The following UNC79 variants were observed in gnomAD, a reference collection of about 807,000 sequenced individuals.
UNC79 encodes the protein protein unc-79 homolog.
UNC79 carries 37 observed loss-of-function variants against 283.1 expected under a neutral mutation model. That is an observed-to-expected ratio of 0.13 (90% CI 0.10 to 0.17). The LOEUF is 0.17. Among genes scored for constraint, UNC79 ranks in the 10% least tolerant of loss-of-function variants. UNC79 has a pLI of 1.00. For missense variants in UNC79, 2,272 were observed against 3,211.1 expected (o/e 0.71, Z 7.07); for synonymous variants, 1,107 against 1,200.2 (o/e 0.92, Z 1.61).
intron 5 of UNC79, among the ~76,000 whole-genome samples, chr14:93,494,994 T>C (rs1281409618): frequency 6.6e-6 from 1 of 151,980 alleles, no homozygotes; most frequent in East Asian, 1.9e-4. Flanking sequence ...AAGAGAAAAG[T>C]CTCCTGGTGT....
At chr14:93,586,505 A>G (rs2064233547) in intron 20 of UNC79, 91 bp from the exon 21 acceptor site, 2 of 1,191,670 alleles carry the variant, frequency 1.7e-6, no homozygotes, top group Non-Finnish European at 2.4e-6. Context: ...TCAATTTTTT[A>G]CTCTTCTTGG....
At chr14:93,455,205 A>T (rs562393495) in intron 1 of UNC79, among the ~76,000 whole-genome samples, 1 of 152,040 alleles carries the variant, frequency 6.6e-6, no homozygotes, top group Non-Finnish European at 1.5e-5. Flanking sequence ...ACAACCCTTC[A>T]TTTATGTCTT....
At chr14:93,600,702 G>A (rs1248561356) in exon 25 of UNC79, 2 of 1,613,886 alleles carry the variant, frequency 1.2e-6, no homozygotes, top group South Asian at 2.2e-5. Flanking sequence ...TTTGTCAATA[G>A]ATTTGAGACG....
At chr14:93,415,999 G>GT (rs1186800754) in intron 1 of UNC79, among the ~76,000 whole-genome samples, 1 of 151,944 alleles carries the variant, frequency 6.6e-6, no homozygotes, top group Non-Finnish European at 1.5e-5. Flanking sequence ...TTTTTGGAGG[G>GT]TTTTTTGTGT....
intron 1 of UNC79, among the ~76,000 whole-genome samples, chr14:93,349,393 A>G (rs1337756524): frequency 6.6e-6 from 1 of 152,178 alleles, no homozygotes; most frequent in East Asian, 1.9e-4. Context: ...CAGTTACAGC[A>G]GGTAATTTAT....
chr14:93,400,287 C>T (rs2140026540), intron 1 of UNC79, among the ~76,000 whole-genome samples: 1 of 152,204 alleles, frequency 6.6e-6, no homozygotes, highest in East Asian at 1.9e-4. Context: ...CCAAGTCAAT[C>T]AATGGCAGAG....
At chr14:93,697,036 C>T (rs944055291) in intron 47 of UNC79, among the ~76,000 whole-genome samples, 9 of 152,098 alleles carry the variant, frequency 5.9e-5, no homozygotes, top group East Asian at 3.9e-4. Context: ...ATACTTTCTC[C>T]GTCAAATTGC....
intron 35 of UNC79, among the ~76,000 whole-genome samples, chr14:93,650,726 T>G (rs1403522608): frequency 6.6e-6 from 1 of 152,184 alleles, no homozygotes; most frequent in Non-Finnish European, 1.5e-5. Flanking sequence ...TTTCACCCAG[T>G]CTGGGGCATG....
intron 1 of UNC79, among the ~76,000 whole-genome samples, chr14:93,358,142 G>T (rs2054151168): frequency 6.6e-6 from 1 of 151,654 alleles, no homozygotes; most frequent in African/African-American, 2.4e-5. Flanking sequence ...CCCCATAATG[G>T]TAAGGATGCT....
chr14:93,707,710 T>G (rs1454722750), downstream of UNC79: 1 of 152,248 alleles, frequency 6.6e-6, no homozygotes, highest in Non-Finnish European at 1.5e-5. Context: ...TAAAACGGAA[T>G]TTTAATAGTG....
chr14:93,411,855 A>C (rs898625869), intron 1 of UNC79, among the ~76,000 whole-genome samples: 1 of 152,232 alleles, frequency 6.6e-6, no homozygotes, highest in Non-Finnish European at 1.5e-5. Context: ...AAACTGAGAA[A>C]TATCTAACTC....
rs1228603004 is a variant in UNC79, at chr14:93,486,805, T to G, written c.620-858T>G. On this transcript the variant is annotated intron_variant, in intron 4 of 48. Coordinates refer to ENST00000555664, the Ensembl canonical transcript of UNC79. Reference sequence around the variant, plus strand: ...TGAGAAACAAAGAAATTTAATATGGTATTTGATGTCATCTTAAACAAGCCA... The same window carrying G: ...TGAGAAACAAAGAAATTTAATATGGGATTTGATGTCATCTTAAACAAGCCA... Among the ~76,000 whole-genome samples, 3 of 152,008 alleles carry G rather than the reference T, an allele frequency of 2.0e-5. 1 individual carries two copies. The highest frequency in any genetic ancestry group is 1.5e-5 in the Non-Finnish European group (1 of 68,036).
chr14:93,622,958 CATT>C (rs2067249012), intron 30 of UNC79, 117 bp downstream of exon 32: 1 of 1,337,302 alleles, frequency 7.5e-7, no homozygotes, highest in Non-Finnish European at 1.0e-6. Context: ...CAGGGTGTGA[CATT>C]ATAATGGCTT....
chr14:93,651,159 C>T (rs1398655178), intron 35 of UNC79, among the ~76,000 whole-genome samples: 1 of 152,160 alleles, frequency 6.6e-6, no homozygotes, highest in Non-Finnish European at 1.5e-5. Context: ...TAAGTTTGCA[C>T]CACACTGTCT....
At chr14:93,548,767 C>T (rs528983548) in intron 14 of UNC79, among the ~76,000 whole-genome samples, 3 of 152,360 alleles carry the variant, frequency 2.0e-5, no homozygotes, top group South Asian at 4.2e-4. Flanking sequence ...AACAAAACCA[C>T]ATTCTACATT....
exon 1 of UNC79, chr14:93,333,455 C>G (rs1257014128): frequency 2.5e-6 from 1 of 398,524 alleles, no homozygotes; most frequent in African/African-American, 2.1e-5. Flanking sequence ...ACAACTCTTC[C>G]GCGGAAAGTC....
In UNC79 at chr14:93,691,962, A is replaced by G; in HGVS notation, c.7470+16A>G. 6.2e-7 allele frequency: 1 copy of G among 1,612,800 alleles called. No homozygotes were observed. ...TAACAAAGTGGTGAGTTCACAGACG[A>G]GTTTCCCTTCTGAGATGGAATCTCA... On this transcript the variant is annotated intron_variant, in intron 46 of 48. Coordinates refer to ENST00000555664, the Ensembl canonical transcript of UNC79.
At chr14:93,345,934 A>G (rs753092680) in intron 1 of UNC79, among the ~76,000 whole-genome samples, 1 of 151,442 alleles carries the variant, frequency 6.6e-6, no homozygotes, top group Non-Finnish European at 1.5e-5. Flanking sequence ...AGGGTACTCA[A>G]AGGAATGACA....
At chr14:93,644,786 A>T (rs943561752) in intron 34 of UNC79, among the ~76,000 whole-genome samples, 57 of 151,788 alleles carry the variant, frequency 3.8e-4, no homozygotes, top group African/African-American at 1.3e-3. Context: ...AGCATTATAA[A>T]CTCCTCAACC....
Sources: allele counts gnomAD v4.1 joint callset (sites outside exome capture counted in the v4.1 genomes callset), GRCh38; gene constraint gnomAD v4.1.1; transcripts MANE v1.5; gene names NCBI Gene and HGNC (gene_info 2026-07-23, HGNC 2026-07-21).